The following RNF20 variants were observed in gnomAD, a reference collection of about 807,000 sequenced individuals.
The protein encoded by RNF20 is ring finger protein 20.
Under a neutral mutation model 126.2 loss-of-function variants are expected in RNF20, and 84 were observed. The ratio of observed to expected loss-of-function variants is 0.67; its 90% CI spans 0.56 to 0.80. The LOEUF (loss-of-function observed/expected upper bound fraction) is 0.80, where lower values mean the gene tolerates loss of function less well. Ranked by LOEUF, RNF20 falls within the 30% of genes least tolerant of loss-of-function variation. The pLI, the probability that RNF20 is intolerant of heterozygous loss-of-function variation, is 0.00. For synonymous variants in RNF20, 400 were observed against 414.3 expected, an observed-to-expected ratio of 0.97 and a Z score of 0.42; for missense variants, 869 against 1,188.2, an observed-to-expected ratio of 0.73 and a Z score of 3.95.
At chr9:101,562,041 T>C in intron 19 of RNF20, 30 bp downstream of exon 19, 2 of 1,519,480 alleles carry the variant, frequency 1.3e-6, no homozygotes. Flanking sequence ...TGATTAGTTT[T>C]TTGTCAAAGC....
Position 101,561,108 on chromosome 9 carries a change from C to G in RNF20, c.2527C>G (p.Leu843Val). The G allele has an allele frequency of 6.2e-7, 1 of 1,613,806 alleles. No individual in the cohort carries two copies. The highest frequency in any genetic ancestry group is 8.5e-7 in the Non-Finnish European group (1 of 1,179,828). The part of the protein sequence containing the change: ...NKRKAMEAAQ[L>V]ADDLKAQLEL... ...TACATAGGCAATGGAGGCAGCCCAGCTTGCAGATGACCTCAAAGCACAACT... is the reference window on the plus strand; with the variant it reads ...TACATAGGCAATGGAGGCAGCCCAGGTTGCAGATGACCTCAAAGCACAACT... Residue 843 changes from leucine (L) to valine (V), a missense_variant, in exon 18 of 20, where the codon CTT (leucine) becomes GTT (valine). Leu to Val is a conservative substitution (Grantham distance 32). Around this residue, in one of 8 missense-constraint regions of RNF20, gnomAD observed 150 missense variants for 173.7 expected, o/e 0.86. Coordinates refer to ENST00000389120, the MANE Select transcript of RNF20 (RefSeq NM_019592.7).
intron 1 of RNF20, 107 bp from the exon 2 acceptor site, chr9:101,535,291 A>C: frequency 1.5e-6 from 1 of 653,946 alleles, no homozygotes; most frequent in Non-Finnish European, 2.5e-6. Flanking sequence ...TAATGGATCC[A>C]GGTTAAAGGG....
rs964702447 is a variant in RNF20 at position 101,560,816 on chromosome 9, C to T, written c.2398C>T (p.Gln800Ter). ...TLKTQVDAQL[Q>*]VVRKLEEKEH... Reference sequence around the variant, plus strand: ...CTGTTCAAAGGTTGATGCCCAGCTACAGGTAGTAAGGAAACTGGAAGAGAA... The same window carrying T: ...CTGTTCAAAGGTTGATGCCCAGCTATAGGTAGTAAGGAAACTGGAAGAGAA... Residue 800 changes from glutamine to a stop codon, truncating the protein, a stop_gained, in exon 17 of 20, where the codon CAG (glutamine) becomes TAG (stop). Coordinates refer to ENST00000389120, the MANE Select transcript of RNF20 (RefSeq NM_019592.7). LOFTEE classifies it high-confidence loss of function. 3 of 1,611,786 alleles carry T rather than the reference C, an allele frequency of 1.9e-6. No individual in the cohort carries two copies. The highest frequency in any genetic ancestry group is 2.7e-5 in the African/African-American group (2 of 74,726).
chr9:101,554,508 A>G (rs1827500658), intron 14 of RNF20, among the ~76,000 whole-genome samples, 186 bp from the exon 15 acceptor site: 1 of 152,216 alleles, frequency 6.6e-6, no homozygotes, highest in Admixed American at 6.5e-5. Context: ...GAAGCATGTC[A>G]TAGTAGAATG....
chr9:101,559,748 T>G (rs894259388), intron 16 of RNF20, among the ~76,000 whole-genome samples: 1 of 152,218 alleles, frequency 6.6e-6, no homozygotes, highest in Admixed American at 6.5e-5. Flanking sequence ...TGTACATTAA[T>G]TTTGTATAGT....
chr9:101,561,966 A>G lies in RNF20; in HGVS notation c.2706A>G (p.Val902=), dbSNP rs1411837377. ...AGACCACAAAGAAACCAGACAATGT[A>G]CCCAAGTGTGATGAGATTCTGATGG... The part of the protein sequence containing the change: ...KLETTKKPDN[V]PKCDEILMEE... The change falls in exon 19 of 20, where the codon GTA becomes GTG. Residue 902 remains valine, a synonymous_variant. Transcript: ENST00000389120. The G allele has an allele frequency of 3.1e-6, 5 of 1,613,214 alleles. No individual in the cohort carries two copies. The African/African-American group carries it at 6.7e-5, about 22-fold the overall frequency.
intron 5 of RNF20, among the ~76,000 whole-genome samples, chr9:101,544,207 G>A (rs1044645591): frequency 5.3e-5 from 8 of 152,114 alleles, no homozygotes; most frequent in African/African-American, 1.9e-4. Flanking sequence ...TGTACATTTT[G>A]GTTTTTAAGC....
intron 5 of RNF20, among the ~76,000 whole-genome samples, chr9:101,544,418 AC>A (rs1021770406): frequency 1.6e-4 from 24 of 152,260 alleles, no homozygotes; most frequent in African/African-American, 5.8e-4. Context: ...AAAATTTGAC[AC>A]TATAGGCCAG....
rs73503235 is a variant in RNF20, at chr9:101,551,586, T to G, written c.1273-98T>G. 780 of 1,098,632 alleles carry G rather than the reference T, an allele frequency of 7.1e-4. 5 individuals carry two copies. The African/African-American group carries it at 0.011, about 16-fold the overall frequency. The allele number at this position is 1,098,632 out of a possible 1,614,324, so 68.1% of individuals were successfully genotyped here. On this transcript the variant is annotated intron_variant, in intron 10 of 19. Coordinates refer to ENST00000389120, the MANE Select transcript of RNF20 (RefSeq NM_019592.7). ...TGTAGATATCTGGTTTCATTACGTA[T>G]AGATTGAACTGGAAATTTTCAGAGT...
Position 101,562,423 on chromosome 9 carries a change from T to G in RNF20, c.*1T>G, listed in dbSNP as rs1428016962. The G allele has an allele frequency of 6.2e-7, 1 of 1,611,224 alleles. No individual in the cohort carries two copies. ...TTTTCATCGCATCTACATTGGTTGA[T>G]CTAAGTCAAGAGAAGAAGAGGAGCT... is the stretch of plus-strand genomic sequence containing the variant. On this transcript the variant is annotated 3_prime_UTR_variant, in exon 20 of 20. Coordinates refer to ENST00000389120, the MANE Select transcript of RNF20 (RefSeq NM_019592.7).
chr9:101,552,495 C>T lies in RNF20; in HGVS notation c.1643C>T (p.Ser548Leu). ...PDSEDLSSQS[S>L]ASKASQEDAN... ...TCTGAGGACTTATCCTCCCAGTCCT[C>T]AGCTTCAAAGGCATCTCAGGAGGAT... Residue 548 changes from serine to leucine, a missense_variant, in exon 13 of 20, where the codon TCA becomes TTA. Around this residue, in one of 8 missense-constraint regions of RNF20, gnomAD observed 231 missense variants for 263.6 expected, o/e 0.88. Transcript: ENST00000389120. The T allele has an allele frequency of 6.2e-7, 1 of 1,614,096 alleles. No homozygotes were observed.
rs150607059 is a variant in RNF20 at position 101,552,596 on chromosome 9, A to G, written c.1744A>G (p.Arg582Gly). 6.4e-6 allele frequency: 10 copies of G among 1,574,640 alleles called. No homozygotes were observed. The African/African-American group carries it at 1.1e-4, about 17-fold the overall frequency. The part of the protein sequence containing the change: ...ERREKERERE[R>G]EREKEKERER... Reference sequence around the variant, plus strand: ...GAGGGAGAAGGAGAGGGAACGAGAAAGAGAACGGGAGAAGGAGAAGGAGAG... The same window carrying G: ...GAGGGAGAAGGAGAGGGAACGAGAAGGAGAACGGGAGAAGGAGAAGGAGAG... Residue 582 changes from arginine (R) to glycine (G), a missense_variant, in exon 13 of 20, where the codon AGA (arginine) becomes GGA (glycine). Physicochemically the swap from Arg to Gly is moderately radical, Grantham distance 125. Transcript: ENST00000389120.
intron 5 of RNF20, among the ~76,000 whole-genome samples, chr9:101,544,372 G>C (rs79519983): frequency 1.3e-5 from 2 of 152,184 alleles, no homozygotes; most frequent in Non-Finnish European, 2.9e-5. Context: ...GGATTACAGC[G>C]TGAGCTGCTA....
rs1482645494 is a variant in RNF20 at position 101,562,410 on chromosome 9, C to T, written c.2916C>T (p.Ile972=). 1.2e-6 allele frequency: 2 copies of T among 1,612,866 alleles called. No homozygotes were observed. The highest frequency in any genetic ancestry group is 1.7e-6 in the Non-Finnish European group (2 of 1,179,552). The change falls in exon 20 of 20, where the codon ATC becomes ATT. Residue 972 remains isoleucine (I), a synonymous_variant. Transcript: ENST00000389120. The part of the protein sequence containing the change: ...AAFGANDFHR[I]YIG The stretch of plus-strand genomic sequence containing the variant: ...TTGGTGCCAATGATTTTCATCGCAT[C>T]TACATTGGTTGATCTAAGTCAAGAG...
chr9:101,540,179 T>C (rs1827236781), intron 2 of RNF20, 24 bp from the exon 3 acceptor site: 3 of 1,609,836 alleles, frequency 1.9e-6, no homozygotes, highest in Non-Finnish European at 2.5e-6. Flanking sequence ...TTGTGGAGAC[T>C]AATACGATTG....
At position 101,563,220 on chromosome 9, in the gene RNF20, A is replaced by G. The variant is rs923972953; in HGVS notation, c.*798A>G. 3 of 152,632 alleles carry G rather than the reference A, an allele frequency of 2.0e-5. No individual in the cohort carries two copies. Among genetic ancestry groups the G allele is most frequent in the Admixed American group, 6.5e-5 (1 of 15,278 alleles). 9.5% of individuals were successfully genotyped at this position (152,632 alleles called of 1,614,324 possible). ...TGATACGGAGAGAACTTGGTGAGCT[A>G]TGAATTACTCTCAGTCTCCTTTTTA... On this transcript the variant is annotated 3_prime_UTR_variant, in exon 20 of 20. Transcript: ENST00000389120.
chr9:101,547,053 A>G (rs1042362169), intron 7 of RNF20, 84 bp from the exon 8 acceptor site: 1 of 1,602,494 alleles, frequency 6.2e-7, no homozygotes, highest in African/African-American at 1.3e-5. Flanking sequence ...TATTTGAGGA[A>G]AAAATCTCAT....
intron 13 of RNF20, among the ~76,000 whole-genome samples, chr9:101,553,172 G>C (rs1342757604): frequency 6.6e-6 from 1 of 152,162 alleles, no homozygotes; most frequent in Non-Finnish European, 1.5e-5. Flanking sequence ...TTGCCTGAGA[G>C]TTAACTGGTT....
At chr9:101,561,824 C>A in intron 18 of RNF20, 86 bp from the exon 19 acceptor site, 1 of 905,598 alleles carries the variant, frequency 1.1e-6, no homozygotes, top group Non-Finnish European at 1.9e-6. Context: ...CCCCTCTTTT[C>A]ACAACAGAAA....
Sources: allele counts gnomAD v4.1 joint callset (sites outside exome capture counted in the v4.1 genomes callset), GRCh38; gene constraint gnomAD v4.1.1; regional missense constraint gnomAD v4.1.1; transcripts MANE v1.5; gene names NCBI Gene and HGNC (gene_info 2026-07-23, HGNC 2026-07-21).